COL5A2: variants seen among roughly 807,000 people sequenced by gnomAD.
COL5A2 encodes collagen type V alpha 2 chain, also known as collagen alpha-2(V) chain.
In COL5A2, 23 loss-of-function variants were observed where a neutral mutation model predicts 208.2. The ratio of observed to expected loss-of-function variants is 0.11; its 90% CI spans 0.08 to 0.16. The LOEUF (loss-of-function observed/expected upper bound fraction) is 0.16, where lower values mean the gene tolerates loss of function less well. COL5A2 is among the 10% of genes least tolerant of loss of function. The probability of loss-of-function intolerance (pLI) is 1.00; values close to 1 mark genes in which losing one functional copy is unlikely to be tolerated. For synonymous variants in COL5A2, 625 were observed against 628.5 expected (o/e 0.99, Z 0.08); for missense variants, 1,590 against 1,956.4 (o/e 0.81, Z 3.53).
intron 3 of COL5A2, among the ~76,000 whole-genome samples, chr2:189,102,164 C>T (rs1344857394): frequency 6.6e-6 from 1 of 151,922 alleles, no homozygotes; most frequent in East Asian, 1.9e-4. Flanking sequence ...AAAGAGAGGA[C>T]AAATTGTTTC....
chr2:189,138,878 A>G (rs901201124), intron 1 of COL5A2, among the ~76,000 whole-genome samples: 1 of 152,230 alleles, frequency 6.6e-6, no homozygotes, highest in African/African-American at 2.4e-5. Context: ...CTATGAGTCC[A>G]TACCGATGTA....
At chr2:189,333,324 A>G in the COL5A2 span, among the ~76,000 whole-genome samples, 1 of 152,192 alleles carries the variant, frequency 6.6e-6, no homozygotes. Flanking sequence ...GGACTGATCA[A>G]GAGGAGAAAT....
chr2:189,184,446 G>A (rs1320338015), upstream of COL5A2, among the ~76,000 whole-genome samples: 1 of 152,182 alleles, frequency 6.6e-6, no homozygotes, highest in African/African-American at 2.4e-5. Flanking sequence ...ATCTGACATG[G>A]ATCTCGTTGA....
At chr2:189,168,277 G>A (rs925441550) in intron 1 of COL5A2, among the ~76,000 whole-genome samples, 50 of 145,572 alleles carry the variant, frequency 3.4e-4, no homozygotes, top group Non-Finnish European at 5.5e-4. Context: ...AGAATCTCTC[G>A]CTTAACATGG....
the COL5A2 span, among the ~76,000 whole-genome samples, chr2:189,235,766 A>G: frequency 1.3e-5 from 2 of 151,704 alleles, no homozygotes; most frequent in Admixed American, 6.6e-5. Flanking sequence ...GCTCATGCAG[A>G]AAAGAGTTAA....
At chr2:189,359,131 AT>A in the COL5A2 span, among the ~76,000 whole-genome samples, 1 of 152,156 alleles carries the variant, frequency 6.6e-6, no homozygotes, top group Non-Finnish European at 1.5e-5. Context: ...AAGAGTGGAC[AT>A]CCTTGTCTTG....
At chr2:189,438,653 T>C in the COL5A2 span, among the ~76,000 whole-genome samples, 1 of 152,256 alleles carries the variant, frequency 6.6e-6, no homozygotes, top group East Asian at 1.9e-4. Flanking sequence ...ACATTAGTGG[T>C]TGCCAGGGGA....
At chr2:189,440,140 C>T in the COL5A2 span, among the ~76,000 whole-genome samples, 16 of 152,332 alleles carry the variant, frequency 1.1e-4, no homozygotes, top group Middle Eastern at 0.01. Context: ...ATAAGCTAGA[C>T]TCCTCAGTAA....
At chr2:189,098,374 G>A (rs1035226679) in intron 5 of COL5A2, among the ~76,000 whole-genome samples, 5 of 152,176 alleles carry the variant, frequency 3.3e-5, no homozygotes, top group Admixed American at 6.5e-5. Context: ...TTATTAAGCA[G>A]ATAAAACTAG....
At chr2:189,107,543 T>C (rs1687175593) in intron 2 of COL5A2, among the ~76,000 whole-genome samples, 2 of 151,556 alleles carry the variant, frequency 1.3e-5, no homozygotes, top group African/African-American at 4.8e-5. Flanking sequence ...TTTTTATCTT[T>C]ACAATTTTTT....
intron 29 of COL5A2, 67 bp from the exon 30 acceptor site, chr2:189,061,682 A>C (rs1232388696): frequency 1.8e-6 from 2 of 1,142,548 alleles, no homozygotes; most frequent in South Asian, 1.2e-5. Context: ...CTCTACGTGA[A>C]CCACTAGAAG....
chr2:189,255,478 T>G, the COL5A2 span, among the ~76,000 whole-genome samples: 1 of 152,202 alleles, frequency 6.6e-6, no homozygotes, highest in African/African-American at 2.4e-5. Context: ...TGAAACCTAC[T>G]AAAATTTGGA....
At chr2:189,179,319 G>T (rs1688739327) in intron 1 of COL5A2, among the ~76,000 whole-genome samples, 189 bp downstream of exon 1, 1 of 152,166 alleles carries the variant, frequency 6.6e-6, no homozygotes, top group Admixed American at 6.5e-5. Context: ...TCCAACGGTG[G>T]ATCTAGAAGC....
the COL5A2 span, among the ~76,000 whole-genome samples, chr2:189,384,515 A>T: frequency 2.6e-5 from 4 of 152,142 alleles, no homozygotes; most frequent in Non-Finnish European, 5.9e-5. Flanking sequence ...AGTGATGATG[A>T]GCACTTTTTA....
At chr2:189,253,807 C>T in the COL5A2 span, among the ~76,000 whole-genome samples, 1 of 152,242 alleles carries the variant, frequency 6.6e-6, no homozygotes, top group South Asian at 2.1e-4. Context: ...ACCCTTACCA[C>T]AGATAATCTT....
the COL5A2 span, among the ~76,000 whole-genome samples, chr2:189,320,944 C>T: frequency 6.6e-6 from 1 of 152,190 alleles, no homozygotes; most frequent in Non-Finnish European, 1.5e-5. Context: ...CACAGGGAAG[C>T]CTATCAGACT....
the COL5A2 span, among the ~76,000 whole-genome samples, chr2:189,434,359 G>A: frequency 6.6e-6 from 1 of 152,082 alleles, no homozygotes; most frequent in South Asian, 2.1e-4. Context: ...GAAATAAAGG[G>A]TATTCAATTA....
At chr2:189,388,540 G>A in the COL5A2 span, among the ~76,000 whole-genome samples, 64 of 152,296 alleles carry the variant, frequency 4.2e-4, no homozygotes, top group Non-Finnish European at 1.2e-4. Flanking sequence ...GATAAATGGC[G>A]GGATTTTGTA....
At chr2:189,115,413 A>G (rs2105723837) in intron 1 of COL5A2, among the ~76,000 whole-genome samples, 1 of 152,234 alleles carries the variant, frequency 6.6e-6, no homozygotes, top group South Asian at 2.1e-4. Flanking sequence ...GGGGGAAAAA[A>G]AAAAAGCCTG....
Sources: allele counts gnomAD v4.1 joint callset (sites outside exome capture counted in the v4.1 genomes callset), GRCh38; gene constraint gnomAD v4.1.1; transcripts MANE v1.5; gene names NCBI Gene and HGNC (gene_info 2026-07-23, HGNC 2026-07-21).